Variants in ADAM17 observed in about 807,000 individuals in gnomAD.
ADAM17 encodes ADAM metallopeptidase domain 17, also known as disintegrin and metalloproteinase domain-containing protein 17.
A neutral mutation model predicts 96.7 loss-of-function variants in ADAM17; 39 were observed. That is an observed-to-expected ratio of 0.40 (90% CI 0.31 to 0.53). The LOEUF is 0.53. Among genes scored for constraint, ADAM17 ranks in the 20% least tolerant of loss-of-function variants. ADAM17 has a pLI of 0.44. For missense variants in ADAM17, 777 were observed against 1,013.2 expected, an observed-to-expected ratio of 0.77 and a Z score of 3.17; for synonymous variants, 344 against 359.2, an observed-to-expected ratio of 0.96 and a Z score of 0.48.
At chr2:9,515,772 A>C (rs1374150127) in intron 10 of ADAM17, among the ~76,000 whole-genome samples, 1 of 151,994 alleles carries the variant, frequency 6.6e-6, no homozygotes, top group Non-Finnish European at 1.5e-5. Context: ...AAAGAAAAGA[A>C]ACTGCCAACT....
At position 9,555,707 on chromosome 2, in the gene ADAM17, A is replaced by C; in HGVS notation, c.-102T>G. On this transcript the variant is annotated 5_prime_UTR_variant, in exon 1 of 19. Transcript: ENST00000310823. Reference sequence around the variant, plus strand: ...GGGGAGGACGGGATCCGCCCGGCCTAGCCCCTCAATCCTCTTTTCCCTCCC... The same window carrying C: ...GGGGAGGACGGGATCCGCCCGGCCTCGCCCCTCAATCCTCTTTTCCCTCCC... 1 of 1,016,486 alleles carries C rather than the reference A, an allele frequency of 9.8e-7. No individual in the cohort carries two copies. Among genetic ancestry groups the C allele is most frequent in the Non-Finnish European group, 1.4e-6 (1 of 718,944 alleles). 63.0% of individuals were successfully genotyped at this position (1,016,486 alleles called of 1,614,324 possible).
chr2:9,498,299 T>C (rs1488283077), intron 13 of ADAM17, among the ~76,000 whole-genome samples: 1 of 152,192 alleles, frequency 6.6e-6, no homozygotes, highest in Non-Finnish European at 1.5e-5. Context: ...TTCCAAGTGC[T>C]GGAATGATAG....
Position 9,490,195 on chromosome 2 carries a change from G to A in ADAM17, c.2457C>T (p.Ser819=), listed in dbSNP as rs1274429136. 1 of 1,595,464 alleles carries A rather than the reference G, an allele frequency of 6.3e-7. No individual in the cohort carries two copies. Among genetic ancestry groups the A allele is most frequent in the South Asian group, 1.1e-5 (1 of 90,720 alleles). The change falls in exon 19 of 19, where the codon AGC becomes AGT. Residue 819 remains serine, a synonymous_variant. Transcript: ENST00000310823. ...AACTAAATTAGCACTCTGTTTCTTTGCTGTCAACACGATTCTGACGCTGCA... is the reference window on the plus strand; with the variant it reads ...AACTAAATTAGCACTCTGTTTCTTTACTGTCAACACGATTCTGACGCTGCA... ...FKLQRQNRVD[S]KETEC
chr2:9,518,340 T>C, intron 8 of ADAM17, 93 bp from the exon 9 acceptor site: 3 of 1,357,748 alleles, frequency 2.2e-6, no homozygotes, highest in Non-Finnish European at 2.9e-6. Context: ...CAACTAAACA[T>C]TCCAGAACAG....
chr2:9,505,057 A>G (rs979433262), intron 12 of ADAM17, 109 bp downstream of exon 12: 22 of 1,228,832 alleles, frequency 1.8e-5, no homozygotes, highest in Non-Finnish European at 2.5e-5. Context: ...AAACAAACAC[A>G]CTCACACCCC....
chr2:9,501,212 C>G (rs886392840), intron 13 of ADAM17, among the ~76,000 whole-genome samples: 2 of 151,702 alleles, frequency 1.3e-5, no homozygotes, highest in East Asian at 3.9e-4. Flanking sequence ...AAGAGATGCT[C>G]AAGAAAAATG....
intron 1 of ADAM17, among the ~76,000 whole-genome samples, chr2:9,545,400 C>G (rs1665365875): frequency 6.6e-6 from 1 of 152,016 alleles, no homozygotes; most frequent in South Asian, 2.1e-4. Context: ...AAAACCCTGT[C>G]TCTACTAAAA....
intron 13 of ADAM17, among the ~76,000 whole-genome samples, chr2:9,499,721 G>T (rs1423446462): frequency 6.6e-6 from 1 of 152,072 alleles, no homozygotes; most frequent in Non-Finnish European, 1.5e-5. Context: ...CTAACATTTG[G>T]CAAAGTAATG....
intron 2 of ADAM17, among the ~76,000 whole-genome samples, chr2:9,538,016 A>AGAGGGGAGGGGAGAG (rs1390918729): frequency 3.1e-5 from 1 of 31,850 alleles, no homozygotes; most frequent in Non-Finnish European, 5.7e-5. Context: ...GGAGGGGAGG[A>AGAGGGGAGGGGAGAG]GAGGGGAGGG....
Position 9,543,242 on chromosome 2 carries a change from T to C in ADAM17, c.141A>G (p.Leu47=), listed in dbSNP as rs756496579. 2 of 1,609,482 alleles carry C rather than the reference T, an allele frequency of 1.2e-6. No individual in the cohort carries two copies. Among genetic ancestry groups the C allele is most frequent in the East Asian group, 4.5e-5 (2 of 44,700 alleles). ...TTACCGAATGCTGCTGGATATTAGA[T>C]AAAGAGAGAATATCGTAGTCTGAGA... ...SLLSDYDILS[L]SNIQQHSVRK... The change falls in exon 2 of 19, where the codon TTA becomes TTG. Residue 47 remains leucine (L), a synonymous_variant. Coordinates refer to ENST00000310823, the MANE Select transcript of ADAM17 (RefSeq NM_003183.6).
intron 17 of ADAM17, among the ~76,000 whole-genome samples, chr2:9,491,939 ACT>A (rs1244311937): frequency 2.0e-5 from 3 of 152,346 alleles, no homozygotes; most frequent in South Asian, 4.1e-4. Flanking sequence ...GATGGATGGC[ACT>A]GTCATCCAGA....
intron 4 of ADAM17, among the ~76,000 whole-genome samples, chr2:9,532,584 G>C (rs999435408): frequency 4.6e-5 from 7 of 151,150 alleles, no homozygotes; most frequent in African/African-American, 1.7e-4. Context: ...TGATCCTACT[G>C]CTTCAGCATT....
intron 14 of ADAM17, chr2:9,494,989 G>A (rs577391841): frequency 7.3e-5 from 30 of 408,928 alleles, no homozygotes; most frequent in African/African-American, 5.3e-4. Context: ...AAAAAATGCA[G>A]AGAAAAATCC....
rs759217858 is a variant in ADAM17 at position 9,523,282 on chromosome 2, T to C, written c.810A>G (p.Ala270=). ...DIYRNTSWDN[A]GFKGYGIQIE... ...TCTGTATTCCATAGCCTTTAAAACC[T>C]GCATTATCCCATGAAGTGTTCCGAT... Residue 270 remains alanine, a synonymous_variant, in exon 7 of 19, where the codon GCA becomes GCG. Coordinates refer to ENST00000310823, the MANE Select transcript of ADAM17 (RefSeq NM_003183.6). 1.2e-6 allele frequency: 2 copies of C among 1,612,952 alleles called. No individual in the cohort carries two copies. The highest frequency in any genetic ancestry group is 1.1e-5 in the South Asian group (1 of 91,014).
At chr2:9,515,345 T>A (rs1167108597) in intron 10 of ADAM17, among the ~76,000 whole-genome samples, 1 of 152,230 alleles carries the variant, frequency 6.6e-6, no homozygotes, top group East Asian at 1.9e-4. Flanking sequence ...AGCTTTTTAT[T>A]TTTTTCTCAT....
chr2:9,521,006 G>A (rs1400224430), intron 8 of ADAM17, among the ~76,000 whole-genome samples, 197 bp downstream of exon 8: 1 of 149,484 alleles, frequency 6.7e-6, no homozygotes. Flanking sequence ...GCTTTATAGC[G>A]TTTTTCTTTT....
chr2:9,522,454 C>T (rs1050013181), intron 7 of ADAM17: 11 of 593,206 alleles, frequency 1.9e-5, no homozygotes, highest in Non-Finnish European at 2.9e-5. Context: ...AAAGAAAATG[C>T]GTAACAGTGA....
chr2:9,492,698 A>G (rs555618598), intron 17 of ADAM17, among the ~76,000 whole-genome samples, 200 bp downstream of exon 17: 14 of 152,206 alleles, frequency 9.2e-5, no homozygotes, highest in Non-Finnish European at 1.9e-4. Flanking sequence ...ACCAACACAC[A>G]AAAATAGTAT....
At chr2:9,521,384 T>A (rs1366117721) in intron 7 of ADAM17, 68 bp from the exon 8 acceptor site, 4 of 1,073,404 alleles carry the variant, frequency 3.7e-6, no homozygotes, top group Non-Finnish European at 5.4e-6. Context: ...AATACTGCAT[T>A]ATTTTATCTG....
Sources: gnomAD v4.1 joint callset for allele counts (sites outside exome capture counted in the v4.1 genomes callset) on GRCh38, gnomAD v4.1.1 for gene constraint, MANE v1.5 for transcripts, NCBI Gene and HGNC (gene_info 2026-07-23, HGNC 2026-07-21) for gene names.